The following NAALADL2 variants were observed in gnomAD, a reference collection of about 807,000 sequenced individuals.
NAALADL2 encodes inactive N-acetylated-alpha-linked acidic dipeptidase-like protein 2.
A neutral mutation model predicts 87.2 loss-of-function variants in NAALADL2; 76 were observed. The ratio of observed to expected loss-of-function variants is 0.87; its 90% CI spans 0.72 to 1.05. The LOEUF (loss-of-function observed/expected upper bound fraction) is 1.05. NAALADL2 is among the 50% of genes least tolerant of loss of function. The pLI, the probability that NAALADL2 is intolerant of heterozygous loss-of-function variation, is 0.00. For synonymous variants in NAALADL2, 354 were observed against 331.0 expected (o/e 1.07, Z -0.75); for missense variants, 1,089 against 945.8 (o/e 1.15, Z -1.99).
intron 4 of NAALADL2, among the ~76,000 whole-genome samples, chr3:175,291,341 A>G (rs903385092): frequency 3.9e-5 from 6 of 152,132 alleles, no homozygotes; most frequent in African/African-American, 1.4e-4. Flanking sequence ...CCAATTTGCT[A>G]TGCTTATTAT....
chr3:175,084,437 C>A (rs1718468753), intron 1 of NAALADL2, among the ~76,000 whole-genome samples: 1 of 152,092 alleles, frequency 6.6e-6, no homozygotes, highest in Admixed American at 6.5e-5. Context: ...GGTCTCAGGG[C>A]CTCTCCATAT....
chr3:175,315,041 A>G (rs192719782), intron 4 of NAALADL2, among the ~76,000 whole-genome samples: 18 of 152,178 alleles, frequency 1.2e-4, no homozygotes, highest in Admixed American at 8.5e-4. Context: ...ACAAAATACA[A>G]TGTCACTTGG....
intron 11 of NAALADL2, among the ~76,000 whole-genome samples, chr3:175,628,147 T>C (rs1426115937): frequency 6.6e-6 from 1 of 151,686 alleles, no homozygotes; most frequent in Non-Finnish European, 1.5e-5. Context: ...AAATCCTACA[T>C]CAAGTACCCA....
intron 13 of NAALADL2, among the ~76,000 whole-genome samples, chr3:175,780,782 CTG>C (rs1157719816): frequency 6.6e-6 from 1 of 152,080 alleles, no homozygotes. Flanking sequence ...TTTTTTAAAA[CTG>C]TAACATGTCA....
chr3:175,732,286 C>T lies in NAALADL2; in HGVS notation c.1897-5020C>T, dbSNP rs191307113. Among the ~76,000 whole-genome samples, 972 of 152,150 alleles carry T rather than the reference C, an allele frequency of 6.4e-3. 3 individuals are homozygous for T. Among genetic ancestry groups the T allele is most frequent in the South Asian group, 0.025 (122 of 4,824 alleles). ...ATGATGGGGGGGATGCATAGGATTACGCAATAACTCAATGGACTATAGAAA... is the reference window on the plus strand; with the variant it reads ...ATGATGGGGGGGATGCATAGGATTATGCAATAACTCAATGGACTATAGAAA... On this transcript the variant is annotated intron_variant, in intron 11 of 13. Coordinates refer to ENST00000454872, the MANE Select transcript of NAALADL2 (RefSeq NM_207015.3).
At chr3:174,787,770 G>A (rs1015196485) in intron 3 of NAALADL2, among the ~76,000 whole-genome samples, 3 of 150,662 alleles carry the variant, frequency 2.0e-5, no homozygotes, top group Non-Finnish European at 3.0e-5. Flanking sequence ...GTGTCAATAC[G>A]TTGTATGTAA....
At chr3:174,852,370 G>T (rs1725348076) in intron 3 of NAALADL2, among the ~76,000 whole-genome samples, 1 of 152,064 alleles carries the variant, frequency 6.6e-6, no homozygotes, top group African/African-American at 2.4e-5. Flanking sequence ...ATTTAGTAAA[G>T]TTTCAGGACA....
chr3:174,956,818 G>C (rs1464955639), intron 1 of NAALADL2, among the ~76,000 whole-genome samples: 2 of 151,948 alleles, frequency 1.3e-5, no homozygotes, highest in East Asian at 1.9e-4. Context: ...AGCAGGCATA[G>C]GTGCATAACA....
At chr3:175,733,350 C>T (rs946997663) in intron 11 of NAALADL2, among the ~76,000 whole-genome samples, 3 of 152,122 alleles carry the variant, frequency 2.0e-5, no homozygotes, top group South Asian at 4.1e-4. Context: ...TTACATCTTA[C>T]GTGGTTGGTG....
intron 4 of NAALADL2, among the ~76,000 whole-genome samples, chr3:175,311,183 C>T (rs1315844831): frequency 6.6e-6 from 1 of 150,670 alleles, no homozygotes; most frequent in African/African-American, 2.4e-5. Flanking sequence ...AAAATACTTT[C>T]TGGTCCCCAC....
At chr3:175,344,527 A>C (rs1376737205) in intron 5 of NAALADL2, among the ~76,000 whole-genome samples, 1 of 151,854 alleles carries the variant, frequency 6.6e-6, no homozygotes, top group African/African-American at 2.4e-5. Flanking sequence ...GTTAATTGGA[A>C]TTTTGGAAAT....
intron 2 of NAALADL2, among the ~76,000 whole-genome samples, chr3:174,611,981 G>A (rs551782101): frequency 6.6e-6 from 1 of 150,624 alleles, no homozygotes; most frequent in African/African-American, 2.4e-5. Flanking sequence ...CAGATCTTGT[G>A]TTGACAAAAT....
Position 174,928,838 on chromosome 3 carries a change from A to G in NAALADL2, c.43+69388A>G, listed in dbSNP as rs768729681. Among the ~76,000 whole-genome samples the G allele has an allele frequency of 5.3e-5, 8 of 152,178 alleles. No homozygotes were observed. In the South Asian group the frequency reaches 1.2e-3, roughly 24 times the overall value. On this transcript the variant is annotated intron_variant, in intron 1 of 13. Coordinates refer to ENST00000454872, the MANE Select transcript of NAALADL2 (RefSeq NM_207015.3). ...ATAGTTTGGAATAATGCTTAAATCC[A>G]TATATCATTGTCTTTGGATGGACTT...
chr3:174,961,514 G>A (rs2108558112), intron 1 of NAALADL2, among the ~76,000 whole-genome samples: 1 of 152,132 alleles, frequency 6.6e-6, no homozygotes, highest in Non-Finnish European at 1.5e-5. Flanking sequence ...ACACCGGGCA[G>A]GGGAAGGAAA....
intron 9 of NAALADL2, among the ~76,000 whole-genome samples, chr3:175,545,271 C>T (rs908510455): frequency 6.6e-6 from 1 of 152,092 alleles, no homozygotes; most frequent in Admixed American, 6.6e-5. Context: ...AGTAGCCAAT[C>T]ATTTATTTTC....
At chr3:174,926,469 C>T (rs1047226552) in intron 1 of NAALADL2, among the ~76,000 whole-genome samples, 1 of 152,026 alleles carries the variant, frequency 6.6e-6, no homozygotes, top group African/African-American at 2.4e-5. Flanking sequence ...GGTCGGGTTA[C>T]CCACAAAGAG....
At chr3:175,514,035 G>A (rs75058612) in intron 9 of NAALADL2, among the ~76,000 whole-genome samples, 2,901 of 152,224 alleles carry the variant, frequency 0.019, 90 homozygotes, top group African/African-American at 0.066. Context: ...TCTTCCAAAC[G>A]TATTGATTAC....
At chr3:175,733,579 C>T (rs772650982) in intron 11 of NAALADL2, among the ~76,000 whole-genome samples, 4 of 152,118 alleles carry the variant, frequency 2.6e-5, no homozygotes, top group Non-Finnish European at 5.9e-5. Flanking sequence ...CCTGGCCCCT[C>T]CCAAATCTCA....
At chr3:174,830,447 G>A (rs1002642885) in intron 3 of NAALADL2, among the ~76,000 whole-genome samples, 2 of 151,998 alleles carry the variant, frequency 1.3e-5, no homozygotes, top group African/African-American at 4.8e-5. Flanking sequence ...ATTTCTGAGG[G>A]CTCTGTTCTT....
Sources: allele counts gnomAD v4.1 joint callset (sites outside exome capture counted in the v4.1 genomes callset), GRCh38; gene constraint gnomAD v4.1.1; transcripts MANE v1.5; gene names NCBI Gene and HGNC (gene_info 2026-07-23, HGNC 2026-07-21).